The following NRG3 variants were observed in gnomAD, a reference collection of about 807,000 sequenced individuals.
NRG3 encodes neuregulin 3, also known as pro-neuregulin-3, membrane-bound isoform.
In NRG3, 31 loss-of-function variants were observed where a neutral mutation model predicts 66.9. That is an observed-to-expected ratio of 0.46 (90% CI 0.35 to 0.63). The LOEUF is 0.63. Among genes scored for constraint, NRG3 ranks in the 20% least tolerant of loss-of-function variants. The pLI is 0.00. For missense variants in NRG3, 910 were observed against 878.9 expected (o/e 1.04, Z -0.45); for synonymous variants, 393 against 359.4 (o/e 1.09, Z -1.06).
rs145322396 is a variant in NRG3, at chr10:82,203,680, G to A, written c.824-155059G>A. On this transcript the variant is annotated intron_variant, in intron 1 of 8. Transcript: ENST00000372141. ...TTATAATAAAAAATAATTAATGGCC[G>A]AATATGAATATGTTTAGCTTCCATT... 1.0e-3 allele frequency among the ~76,000 whole-genome samples: 158 copies of A among 152,116 alleles called. 1 individual carries two copies. Among genetic ancestry groups the A allele is most frequent in the African/African-American group, 3.6e-3 (149 of 41,486 alleles).
At chr10:82,435,334 T>C (rs909857887) in intron 2 of NRG3, among the ~76,000 whole-genome samples, 14 of 152,104 alleles carry the variant, frequency 9.2e-5, no homozygotes, top group African/African-American at 1.7e-4. Context: ...TGCTTCTCTC[T>C]TCTTCTTCTT....
At chr10:82,110,527 G>A (rs1295869451) in intron 1 of NRG3, among the ~76,000 whole-genome samples, 2 of 152,250 alleles carry the variant, frequency 1.3e-5, no homozygotes, top group South Asian at 2.1e-4. Flanking sequence ...GACGAGAGAC[G>A]AGGCTATTCC....
intron 1 of NRG3, among the ~76,000 whole-genome samples, chr10:82,245,174 G>A (rs2077180079): frequency 6.6e-6 from 1 of 152,168 alleles, no homozygotes; most frequent in African/African-American, 2.4e-5. Context: ...ATCTGTGGGG[G>A]ATGGGAGGCA....
At chr10:82,302,347 A>G (rs2080451544) in intron 1 of NRG3, among the ~76,000 whole-genome samples, 1 of 152,108 alleles carries the variant, frequency 6.6e-6, no homozygotes, top group Non-Finnish European at 1.5e-5. Flanking sequence ...TCCTAGCCAC[A>G]ATTTATCAGT....
intron 1 of NRG3, among the ~76,000 whole-genome samples, chr10:82,236,148 T>C (rs12249883): frequency 0.3 from 46,278 of 152,116 alleles, 8,986 homozygotes; most frequent in East Asian, 0.56. Context: ...TGTCATTTAT[T>C]GAGGGACTTT....
At chr10:82,494,402 T>C (rs116229247) in intron 2 of NRG3, among the ~76,000 whole-genome samples, 1,931 of 152,240 alleles carry the variant, frequency 0.013, 39 homozygotes, top group African/African-American at 0.044. Context: ...TATGAGATTT[T>C]GAAATAATAG....
chr10:82,351,710 G>A (rs1487648234), intron 1 of NRG3, among the ~76,000 whole-genome samples: 1 of 152,202 alleles, frequency 6.6e-6, no homozygotes, highest in African/African-American at 2.4e-5. Context: ...TGACCCTGCT[G>A]TAATCCAGAT....
intron 3 of NRG3, among the ~76,000 whole-genome samples, chr10:82,742,671 T>C (rs2058475175): frequency 6.6e-6 from 1 of 152,076 alleles, no homozygotes; most frequent in Admixed American, 6.5e-5. Flanking sequence ...CGGCATCAGC[T>C]ACTGTGGCAT....
intron 1 of NRG3, among the ~76,000 whole-genome samples, chr10:82,147,511 T>G (rs2070344290): frequency 6.6e-6 from 1 of 152,150 alleles, no homozygotes; most frequent in Non-Finnish European, 1.5e-5. Flanking sequence ...TCAGCTAACT[T>G]TTAACATGAA....
At chr10:82,675,100 A>G (rs1023057005) in intron 2 of NRG3, among the ~76,000 whole-genome samples, 3 of 151,908 alleles carry the variant, frequency 2.0e-5, no homozygotes, top group African/African-American at 7.3e-5. Context: ...CTGGGATTAC[A>G]GGCACCCGCC....
intron 1 of NRG3, among the ~76,000 whole-genome samples, chr10:81,879,966 A>T (rs1386578605): frequency 6.6e-6 from 1 of 152,206 alleles, no homozygotes; most frequent in African/African-American, 2.4e-5. Context: ...CATGCATGGT[A>T]GCCAAAGTGA....
intron 3 of NRG3, among the ~76,000 whole-genome samples, chr10:82,814,643 G>T (rs1364249292): frequency 6.6e-6 from 1 of 152,138 alleles, no homozygotes; most frequent in African/African-American, 2.4e-5. Flanking sequence ...GCCTAAGAGA[G>T]AATTATTTTT....
At chr10:82,219,396 G>C (rs1048142537) in intron 1 of NRG3, among the ~76,000 whole-genome samples, 1 of 151,494 alleles carries the variant, frequency 6.6e-6, no homozygotes, top group Non-Finnish European at 1.5e-5. Flanking sequence ...GGTCCAGACT[G>C]TAAAAATTAT....
intron 3 of NRG3, among the ~76,000 whole-genome samples, chr10:82,772,588 G>T (rs2201576): frequency 0.094 from 14,210 of 150,956 alleles, 697 homozygotes; most frequent in Middle Eastern, 0.18. Context: ...TATGTTTTCT[G>T]TCTGTGTTTG....
intron 2 of NRG3, among the ~76,000 whole-genome samples, chr10:82,362,748 A>G (rs1427118880): frequency 1.3e-5 from 2 of 151,876 alleles, no homozygotes; most frequent in African/African-American, 2.4e-5. Context: ...ATTGTGGTAT[A>G]TTGTGGGACT....
At chr10:82,607,469 G>C (rs528111707) in intron 2 of NRG3, among the ~76,000 whole-genome samples, 1 of 152,112 alleles carries the variant, frequency 6.6e-6, no homozygotes, top group South Asian at 2.1e-4. Context: ...TACTCTATCT[G>C]TGTCCTTATT....
chr10:82,951,438 T>C, intron 4 of NRG3, 31 bp from the exon 5 acceptor site: 2 of 1,535,210 alleles, frequency 1.3e-6, no homozygotes, highest in Non-Finnish European at 1.8e-6. Context: ...CCCGCTAGCA[T>C]CCATTCTAAT....
intron 1 of NRG3, among the ~76,000 whole-genome samples, chr10:82,285,418 G>A (rs895742728): frequency 2.6e-5 from 4 of 152,110 alleles, no homozygotes; most frequent in African/African-American, 7.2e-5. Context: ...CTTATGATAG[G>A]AAAGTGCAGC....
chr10:82,398,491 ATGTGTG>A (rs1164444421), intron 2 of NRG3, among the ~76,000 whole-genome samples: 430 of 139,166 alleles, frequency 3.1e-3, no homozygotes, highest in African/African-American at 9.3e-3. Flanking sequence ...GGCTTCGTGT[ATGTGTG>A]TGTGTGTGTG....
Sources: gnomAD v4.1 joint callset for allele counts (sites outside exome capture counted in the v4.1 genomes callset) on GRCh38, gnomAD v4.1.1 for gene constraint, MANE v1.5 for transcripts, NCBI Gene and HGNC (gene_info 2026-07-23, HGNC 2026-07-21) for gene names.